Variants in PDE4D observed in about 807,000 individuals in gnomAD.
PDE4D encodes the protein phosphodiesterase 4D.
A neutral mutation model predicts 87.4 loss-of-function variants in PDE4D; 24 were observed. The observed-to-expected ratio is 0.27, with a 90% CI of 0.20 to 0.39. PDE4D has a LOEUF of 0.39. Ranked by LOEUF, PDE4D falls within the 10% of genes least tolerant of loss-of-function variation. The pLI is 1.00. For synonymous variants in PDE4D, 384 were observed against 383.2 expected (o/e 1.00, Z -0.02); for missense variants, 714 against 1,041.0 (o/e 0.69, Z 4.32).
In PDE4D at chr5:59,271,038, A is replaced by ATTT. The variant is rs200298144; in HGVS notation, c.456-55073_456-55071dup. On this transcript the variant is annotated intron_variant, in intron 1 of 14. Transcript: ENST00000340635. ...AAAGCTATAAGTATTAGAAAAATGGATTTTTTTTTTTTTTAAATTGAGACA... is the reference window on the plus strand; with the variant it reads ...AAAGCTATAAGTATTAGAAAAATGGATTTTTTTTTTTTTTTTTAAATTGAGACA... Among the ~76,000 whole-genome samples, 866 of 148,370 alleles carry ATTT rather than the reference A, an allele frequency of 5.8e-3. 4 individuals carry two copies. Among genetic ancestry groups the ATTT allele is most frequent in the Non-Finnish European group, 6.1e-3 (408 of 66,834 alleles).
At chr5:60,390,673 C>T (rs943881991) in intron 1 of PDE4D, among the ~76,000 whole-genome samples, 5 of 151,712 alleles carry the variant, frequency 3.3e-5, no homozygotes, top group Admixed American at 2.6e-4. Context: ...CAAGAACCAC[C>T]AGCTGAGGAG....
chr5:59,426,810 T>C (rs1026206751), intron 1 of PDE4D, among the ~76,000 whole-genome samples: 3 of 152,124 alleles, frequency 2.0e-5, no homozygotes, highest in Non-Finnish European at 4.4e-5. Flanking sequence ...ATGTGACTTT[T>C]ACATTATAGC....
At chr5:60,350,655 G>C (rs150885857) in intron 1 of PDE4D, among the ~76,000 whole-genome samples, 9 of 152,272 alleles carry the variant, frequency 5.9e-5, no homozygotes, top group Admixed American at 2.6e-4. Flanking sequence ...TCAACACGCA[G>C]GATGCAGGAC....
At chr5:60,321,216 C>T (rs1204849003) in intron 1 of PDE4D, among the ~76,000 whole-genome samples, 1 of 152,126 alleles carries the variant, frequency 6.6e-6, no homozygotes, top group Non-Finnish European at 1.5e-5. Context: ...ACCAATGGAA[C>T]AGACTAGAGA....
intron 1 of PDE4D, among the ~76,000 whole-genome samples, chr5:60,268,855 C>A (rs1475841665): frequency 6.6e-6 from 1 of 152,168 alleles, no homozygotes; most frequent in African/African-American, 2.4e-5. Context: ...AAATAACTTA[C>A]AAGCTTTCTT....
intron 1 of PDE4D, among the ~76,000 whole-genome samples, chr5:60,499,839 T>C (rs1561317684): frequency 6.6e-6 from 1 of 152,196 alleles, no homozygotes; most frequent in African/African-American, 2.4e-5. Flanking sequence ...ATGCTTATGG[T>C]ATATTTCTCT....
chr5:59,557,350 T>C (rs1819113847), intron 1 of PDE4D, among the ~76,000 whole-genome samples: 1 of 152,230 alleles, frequency 6.6e-6, no homozygotes, highest in South Asian at 2.1e-4. Context: ...TACATTGGTA[T>C]AGAAGCTTGT....
At chr5:60,103,043 T>C (rs1776401950) in intron 2 of PDE4D, among the ~76,000 whole-genome samples, 1 of 148,630 alleles carries the variant, frequency 6.7e-6, no homozygotes, top group Non-Finnish European at 1.5e-5. Context: ...AGTTAAGGAG[T>C]TTGTGTTATA....
intron 1 of PDE4D, among the ~76,000 whole-genome samples, chr5:59,312,230 G>C (rs1333933014): frequency 6.6e-6 from 1 of 152,198 alleles, no homozygotes; most frequent in South Asian, 2.1e-4. Flanking sequence ...GGCTCATAGA[G>C]GGCTTCCCCA....
At chr5:59,111,615 G>A (rs1772656303) in intron 5 of PDE4D, among the ~76,000 whole-genome samples, 1 of 152,202 alleles carries the variant, frequency 6.6e-6, no homozygotes, top group Non-Finnish European at 1.5e-5. Context: ...AGTGTGGGAT[G>A]TTTGAATGTG....
chr5:59,772,023 C>T (rs186409479), intron 1 of PDE4D, among the ~76,000 whole-genome samples: 180 of 152,320 alleles, frequency 1.2e-3, no homozygotes, highest in African/African-American at 4.2e-3. Flanking sequence ...ACATGATATG[C>T]ATACTGCTTT....
chr5:60,398,282 A>T (rs909224599), intron 1 of PDE4D, among the ~76,000 whole-genome samples: 2 of 152,240 alleles, frequency 1.3e-5, no homozygotes, highest in African/African-American at 4.8e-5. Context: ...CACATTGGCC[A>T]AATCAAGTCA....
At chr5:59,871,850 C>CG (rs1373226216) in intron 1 of PDE4D, among the ~76,000 whole-genome samples, 1 of 152,170 alleles carries the variant, frequency 6.6e-6, no homozygotes, top group Non-Finnish European at 1.5e-5. Context: ...TCGGGGTCAT[C>CG]ACTGACTACT....
intron 3 of PDE4D, among the ~76,000 whole-genome samples, chr5:59,947,879 C>T (rs369231158): frequency 3.3e-5 from 5 of 152,136 alleles, no homozygotes; most frequent in Admixed American, 1.3e-4. Context: ...TGGTGGTGCA[C>T]GCCTATAATC....
intron 1 of PDE4D, among the ~76,000 whole-genome samples, chr5:59,614,715 G>A (rs1829442208): frequency 6.6e-6 from 1 of 152,180 alleles, no homozygotes; most frequent in Admixed American, 6.5e-5. Flanking sequence ...TTTAATGGAT[G>A]AAAAGTTTTA....
chr5:60,466,320 G>A (rs1747350223), intron 1 of PDE4D, among the ~76,000 whole-genome samples: 1 of 152,144 alleles, frequency 6.6e-6, no homozygotes, highest in African/African-American at 2.4e-5. Flanking sequence ...AGTAAATAAG[G>A]ATTTATCCTA....
At chr5:59,412,730 A>G (rs886875764) in intron 1 of PDE4D, among the ~76,000 whole-genome samples, 1 of 152,222 alleles carries the variant, frequency 6.6e-6, no homozygotes, top group Non-Finnish European at 1.5e-5. Flanking sequence ...GCAAAAAGAA[A>G]ATGATTGTTT....
At chr5:60,292,652 T>A (rs1373440195) in intron 1 of PDE4D, among the ~76,000 whole-genome samples, 1 of 152,230 alleles carries the variant, frequency 6.6e-6, no homozygotes, top group Non-Finnish European at 1.5e-5. Flanking sequence ...TTCTAGAGTT[T>A]GCAGATTTAA....
intron 1 of PDE4D, among the ~76,000 whole-genome samples, chr5:59,407,804 G>T (rs1028461955): frequency 6.6e-6 from 1 of 152,172 alleles, no homozygotes; most frequent in Non-Finnish European, 1.5e-5. Context: ...ATGACTTAGG[G>T]TATCTGGCAG....
Sources: allele counts gnomAD v4.1 joint callset (sites outside exome capture counted in the v4.1 genomes callset), GRCh38; gene constraint gnomAD v4.1.1; transcripts MANE v1.5; gene names NCBI Gene and HGNC (gene_info 2026-07-23, HGNC 2026-07-21).